Variants in AUTS2 observed in about 807,000 individuals in gnomAD.
AUTS2 encodes activator of transcription and developmental regulator AUTS2.
A neutral mutation model predicts 112.4 loss-of-function variants in AUTS2; 17 were observed. That is an observed-to-expected ratio of 0.15 (90% CI 0.10 to 0.23). The LOEUF (loss-of-function observed/expected upper bound fraction) is 0.23. Among genes scored for constraint, AUTS2 ranks in the 10% least tolerant of loss-of-function variants. The pLI, the probability that AUTS2 is intolerant of heterozygous loss-of-function variation, is 1.00. For missense variants in AUTS2, 1,510 were observed against 1,701.6 expected (o/e 0.89, Z 1.98); for synonymous variants, 751 against 702.7 (o/e 1.07, Z -1.09).
chr7:70,121,067 T>C (rs780120229), intron 3 of AUTS2, among the ~76,000 whole-genome samples: 8 of 152,174 alleles, frequency 5.3e-5, no homozygotes, highest in Non-Finnish European at 1.0e-4. Context: ...AAATGAGTTT[T>C]AACAAGAGTG....
chr7:69,974,397 G>C (rs981821955), intron 2 of AUTS2, among the ~76,000 whole-genome samples: 1 of 148,624 alleles, frequency 6.7e-6, no homozygotes, highest in African/African-American at 2.5e-5. Context: ...TTTCTCTCTT[G>C]TTTTCCTGTT....
intron 4 of AUTS2, among the ~76,000 whole-genome samples, chr7:70,154,272 G>C (rs1487009007): frequency 6.6e-6 from 1 of 152,104 alleles, no homozygotes; most frequent in Non-Finnish European, 1.5e-5. Flanking sequence ...GTAGGTTTTG[G>C]GGGCTGGAAG....
chr7:70,688,503 TGG>T (rs1441562354), intron 5 of AUTS2, among the ~76,000 whole-genome samples: 9 of 152,032 alleles, frequency 5.9e-5, no homozygotes, highest in African/African-American at 2.2e-4. Flanking sequence ...ATTGAGGTGG[TGG>T]GTCCTCCATA....
At chr7:70,256,694 C>T (rs1450134274) in intron 4 of AUTS2, among the ~76,000 whole-genome samples, 1 of 152,184 alleles carries the variant, frequency 6.6e-6, no homozygotes, top group Non-Finnish European at 1.5e-5. Flanking sequence ...ACAACTTGCC[C>T]TTTATGCCTT....
intron 2 of AUTS2, among the ~76,000 whole-genome samples, chr7:70,042,344 A>G (rs1801284992): frequency 6.6e-6 from 1 of 152,208 alleles, no homozygotes; most frequent in African/African-American, 2.4e-5. Flanking sequence ...GAGATTTTCA[A>G]GGTTCCTGTT....
At chr7:70,594,418 T>C (rs192592888) in intron 5 of AUTS2, among the ~76,000 whole-genome samples, 1 of 152,330 alleles carries the variant, frequency 6.6e-6, no homozygotes, top group East Asian at 1.9e-4. Flanking sequence ...GGTTCCTGGA[T>C]GCTGCTAGTG....
intron 5 of AUTS2, among the ~76,000 whole-genome samples, chr7:70,504,393 G>A (rs571454835): frequency 2.0e-5 from 3 of 150,928 alleles, no homozygotes; most frequent in Admixed American, 6.6e-5. Context: ...ATTCTTACCA[G>A]AAGCTGTCCT....
At chr7:69,811,636 A>G (rs1790546569) in intron 1 of AUTS2, among the ~76,000 whole-genome samples, 1 of 152,116 alleles carries the variant, frequency 6.6e-6, no homozygotes, top group South Asian at 2.1e-4. Context: ...ACTTTGCTGT[A>G]CCTGCAATAA....
chr7:69,635,135 G>T (rs867690069), intron 1 of AUTS2, among the ~76,000 whole-genome samples: 59 of 152,194 alleles, frequency 3.9e-4, no homozygotes, highest in African/African-American at 1.4e-3. Context: ...CATAGTCTGA[G>T]TTCTTAAAAT....
intron 1 of AUTS2, among the ~76,000 whole-genome samples, chr7:69,619,605 G>A (rs1479173035): frequency 6.6e-6 from 1 of 151,980 alleles, no homozygotes; most frequent in Non-Finnish European, 1.5e-5. Flanking sequence ...TCTTTCAGAA[G>A]TGCTATCAAT....
intron 5 of AUTS2, among the ~76,000 whole-genome samples, chr7:70,649,853 A>C (rs1485295563): frequency 6.6e-6 from 1 of 152,164 alleles, no homozygotes; most frequent in African/African-American, 2.4e-5. Flanking sequence ...AGGTCAGCAG[A>C]GATGATCTGT....
At chr7:70,083,599 C>G (rs1473023688) in intron 2 of AUTS2, among the ~76,000 whole-genome samples, 1 of 152,056 alleles carries the variant, frequency 6.6e-6, no homozygotes, top group Admixed American at 6.6e-5. Flanking sequence ...CATATTTAAA[C>G]TATACAACTT....
rs553101763 is a variant in AUTS2 at position 70,780,514 on chromosome 7, G to A, written c.2005-1101G>A. Among the ~76,000 whole-genome samples the A allele has an allele frequency of 5.3e-5, 8 of 151,902 alleles. 1 individual carries two copies. The highest frequency in any genetic ancestry group is 1.3e-4 in the Admixed American group (2 of 15,250). ...CCTCAGCCTCCCCAGTAGCTGGGAC[G>A]ACAGGCGTGCACCACCACGCCTGGC... is the stretch of plus-strand genomic sequence containing the variant. On this transcript the variant is annotated intron_variant, in intron 14 of 18. Coordinates refer to ENST00000342771, the MANE Select transcript of AUTS2 (RefSeq NM_015570.4).
chr7:69,844,907 C>A (rs1792128912), intron 1 of AUTS2, among the ~76,000 whole-genome samples: 1 of 152,146 alleles, frequency 6.6e-6, no homozygotes, highest in South Asian at 2.1e-4. Flanking sequence ...ATTTAAATTT[C>A]TAAAAATTCA....
chr7:70,771,409 A>G (rs1585662197), intron 10 of AUTS2, 140 bp from the exon 11 acceptor site: 3 of 605,068 alleles, frequency 5.0e-6, no homozygotes, highest in East Asian at 5.5e-5. Flanking sequence ...TGATCATTCC[A>G]TCATGGCTTC....
At chr7:70,102,713 A>G (rs951937876) in intron 2 of AUTS2, among the ~76,000 whole-genome samples, 2 of 152,166 alleles carry the variant, frequency 1.3e-5, no homozygotes, top group African/African-American at 2.4e-5. Context: ...GTAGATTTTG[A>G]GTAAGAAATA....
chr7:70,636,889 C>T (rs1805562785), intron 5 of AUTS2, among the ~76,000 whole-genome samples: 1 of 152,080 alleles, frequency 6.6e-6, no homozygotes, highest in African/African-American at 2.4e-5. Flanking sequence ...GTGATCCTCC[C>T]ACCTTAGCCT....
chr7:70,294,656 C>T (rs1197224772), intron 4 of AUTS2, among the ~76,000 whole-genome samples: 2 of 152,158 alleles, frequency 1.3e-5, no homozygotes, highest in African/African-American at 2.4e-5. Flanking sequence ...CAGCACCATT[C>T]GGTCACAGGC....
At chr7:69,956,845 A>G (rs1329154149) in intron 2 of AUTS2, among the ~76,000 whole-genome samples, 2 of 151,972 alleles carry the variant, frequency 1.3e-5, no homozygotes, top group East Asian at 3.9e-4. Context: ...TACTTTTGGC[A>G]AAGAGAACAA....
Sources: gnomAD v4.1 joint callset for allele counts (sites outside exome capture counted in the v4.1 genomes callset) on GRCh38, gnomAD v4.1.1 for gene constraint, MANE v1.5 for transcripts, NCBI Gene and HGNC (gene_info 2026-07-23, HGNC 2026-07-21) for gene names.